COPZ2: variants seen among roughly 807,000 people sequenced by gnomAD.
The protein encoded by COPZ2 is coat protein complex I subunit zeta 2, also known as coatomer subunit zeta-2.
COPZ2 carries 30 observed loss-of-function variants against 33.2 expected under a neutral mutation model. The ratio of observed to expected loss-of-function variants is 0.90; its 90% confidence interval spans 0.68 to 1.23. The LOEUF (loss-of-function observed/expected upper bound fraction) is 1.23, where lower values mean the gene tolerates loss of function less well. COPZ2 is among the 50% of genes most tolerant of loss of function. COPZ2 has a pLI of 0.00. For synonymous variants in COPZ2, 89 were observed against 102.6 expected, an observed-to-expected ratio of 0.87 and a Z score of 0.80; for missense variants, 263 against 262.4, an observed-to-expected ratio of 1.00 and a Z score of -0.02.
At chr17:48,039,840 G>A (rs1005795184), upstream of COPZ2, among the ~76,000 whole-genome samples, 11 of 152,050 alleles carry the variant, frequency 7.2e-5, no homozygotes, top group Admixed American at 2.6e-4. Flanking sequence ...TCCCAGTGTC[G>A]GCCGGGCACG....
chr17:48,046,531 C>T, the COPZ2 span: 1 of 152,226 alleles, frequency 6.6e-6, no homozygotes, highest in Non-Finnish European at 1.5e-5. Context: ...CCGCCTCGGC[C>T]TCCCAAGGTG....
At chr17:48,029,487 A>C in intron 6 of COPZ2, 1 of 448,202 alleles carries the variant, frequency 2.2e-6, no homozygotes, top group East Asian at 4.5e-5. Context: ...CAAAACTCAG[A>C]GCTCTTGAAA....
upstream of COPZ2, among the ~76,000 whole-genome samples, chr17:48,041,147 CAAAA>C (rs10532613): frequency 2.8e-4 from 29 of 103,002 alleles, no homozygotes; most frequent in African/African-American, 4.4e-4. Context: ...ACTCTATCTC[CAAAA>C]AAAAAAAAAA....
At chr17:48,029,316 C>T (rs543371563) in intron 6 of COPZ2, 140 bp from the exon 7 acceptor site, 56 of 768,162 alleles carry the variant, frequency 7.3e-5, no homozygotes, top group Non-Finnish European at 1.2e-4. Context: ...ACTGATAGCC[C>T]TCAAGTCAGA....
At chr17:48,043,247 C>T in the COPZ2 span, among the ~76,000 whole-genome samples, 1 of 152,186 alleles carries the variant, frequency 6.6e-6, no homozygotes, top group African/African-American at 2.4e-5. Flanking sequence ...CAGAATTGGT[C>T]CCTGCCCTTT....
chr17:48,036,971 G>T, intron 1 of COPZ2, 46 bp from the exon 2 acceptor site: 2 of 1,516,482 alleles, frequency 1.3e-6, no homozygotes, highest in Non-Finnish European at 1.8e-6. Flanking sequence ...ACTCGAGGTG[G>T]ACACCCTGTG....
At chr17:48,033,556 G>A (rs2036931951) in intron 3 of COPZ2, among the ~76,000 whole-genome samples, 2 of 152,158 alleles carry the variant, frequency 1.3e-5, no homozygotes, top group Admixed American at 6.5e-5. Flanking sequence ...TCCTGCCCAC[G>A]CTCCCACCCT....
the COPZ2 span, chr17:48,047,345 CCCAG>C: frequency 6.6e-6 from 1 of 152,136 alleles, no homozygotes; most frequent in Non-Finnish European, 1.5e-5. Context: ...TTAAAATCAC[CCCAG>C]CAGGCAGGTT....
At position 48,028,407 on chromosome 17, in the gene COPZ2, A is replaced by G; in HGVS notation, c.585+65T>C. On this transcript the variant is annotated intron_variant, in intron 8 of 8. Transcript: ENST00000621465. The surrounding 1 kb of genome is among the most constrained non-coding windows in gnomAD (Gnocchi z 4.5). ...TCACTGGGTCCCCCTAGGATGCTCT[A>G]GGATGCTCTGCTCCCCGTATCTCTC... 6.6e-7 allele frequency: 1 copy of G among 1,520,626 alleles called. No individual in the cohort carries two copies. Among genetic ancestry groups the G allele is most frequent in the Non-Finnish European group, 8.9e-7 (1 of 1,117,906 alleles). The allele number at this position is 1,520,626 out of a possible 1,614,324, so 94.2% of individuals were successfully genotyped here. A position where few individuals can be genotyped will look rare whatever the true frequency, so the allele number is the denominator to read the frequency against.
intron 5 of COPZ2, 41 bp from the exon 6 acceptor site, chr17:48,032,274 G>A: frequency 6.4e-7 from 1 of 1,561,610 alleles, no homozygotes; most frequent in Middle Eastern, 1.7e-4. Flanking sequence ...CTGTGGCTGG[G>A]AGGAACTGAG....
the COPZ2 span, among the ~76,000 whole-genome samples, chr17:48,044,403 CTTTTTT>C: frequency 9.8e-5 from 10 of 101,778 alleles, no homozygotes; most frequent in East Asian, 9.9e-4. Flanking sequence ...CAATCTTTTG[CTTTTTT>C]TTTTTTTTTT....
the COPZ2 span, among the ~76,000 whole-genome samples, chr17:48,044,089 G>A: frequency 6.6e-6 from 1 of 152,230 alleles, no homozygotes; most frequent in African/African-American, 2.4e-5. Context: ...GCTCACGCCT[G>A]TAATCCCAGC....
At position 48,032,716 on chromosome 17, in the gene COPZ2, C is replaced by A. The variant is rs2036912605; in HGVS notation, c.386G>T (p.Cys129Phe). Residue 129 changes from cysteine (C) to phenylalanine (F), a missense_variant, in exon 5 of 9, where the codon TGC (cysteine) becomes TTC (phenylalanine). Physicochemically the swap from Cys to Phe is radical, Grantham distance 205. Transcript: ENST00000621465. ...CATGTGGTTCAGAGACTCAAACAGG[C>A]AGGTGAGAACAGACATGAGCATCAG... Reference protein sequence around the residue: ...NELMLMSVLTCLFESLNHMLR... With the variant: ...NELMLMSVLTFLFESLNHMLR... 1.3e-6 allele frequency: 2 copies of A among 1,593,466 alleles called. No individual in the cohort carries two copies. Among genetic ancestry groups the A allele is most frequent in the African/African-American group, 1.3e-5 (1 of 74,492 alleles).
At chr17:48,029,393 C>G in intron 6 of COPZ2, 1 of 615,760 alleles carries the variant, frequency 1.6e-6, no homozygotes. Context: ...GGTCCACATG[C>G]TTTGTCATCC....
intron 8 of COPZ2, among the ~76,000 whole-genome samples, chr17:48,026,774 T>G (rs1193613764): frequency 6.6e-6 from 1 of 152,216 alleles, no homozygotes; most frequent in Non-Finnish European, 1.5e-5. Context: ...CCATGAGAGT[T>G]CCCGCCCACA....
At chr17:48,032,551 T>C in intron 5 of COPZ2, 135 bp downstream of exon 5, 2 of 756,086 alleles carry the variant, frequency 2.6e-6, no homozygotes. Flanking sequence ...TTTCGTTCAT[T>C]GTGTCGACTG....
intron 6 of COPZ2, among the ~76,000 whole-genome samples, chr17:48,031,365 T>G (rs2144299792): frequency 6.7e-6 from 1 of 150,362 alleles, no homozygotes; most frequent in East Asian, 2.0e-4. Context: ...AGCAGGAGAA[T>G]GGTGTGAACC....
Position 48,037,671 on chromosome 17 carries a change from A to G in COPZ2, c.107T>C (p.Leu36Pro). The G allele has an allele frequency of 9.2e-7, 1 of 1,082,408 alleles. No individual in the cohort carries two copies. The highest frequency in any genetic ancestry group is 1.1e-6 in the Non-Finnish European group (1 of 897,086). The allele number at this position is 1,082,408 out of a possible 1,614,324, so 67.1% of individuals were successfully genotyped here. A position where few individuals can be genotyped will look rare whatever the true frequency, so the allele number is the denominator to read the frequency against. ...CCGCGCCCGCCCGCTCCGTACCCGC[A>G]GCCCCGAGGGCTCCCCGGCTCGAGC... ...PPARAGEPSGLRLQEPSLYTI... is the reference protein window; with the variant it reads ...PPARAGEPSGPRLQEPSLYTI... Residue 36 changes from leucine (L) to proline (P), a missense_variant, in exon 1 of 9, where the codon CTG becomes CCG. Coordinates refer to ENST00000621465, the MANE Select transcript of COPZ2 (RefSeq NM_016429.4). The surrounding 1 kb of genome is among the most constrained non-coding windows in gnomAD (Gnocchi z 5.6).
upstream of COPZ2, among the ~76,000 whole-genome samples, chr17:48,039,978 C>A (rs1328945535): frequency 6.6e-6 from 1 of 151,926 alleles, no homozygotes; most frequent in Non-Finnish European, 1.5e-5. Flanking sequence ...AAAAATTAGC[C>A]GGGGGTGGTG....
Sources: gnomAD v4.1 joint callset for allele counts (sites outside exome capture counted in the v4.1 genomes callset) on GRCh38, gnomAD v4.1.1 for gene constraint, Gnocchi (gnomAD v3.1) non-coding constraint, MANE v1.5 for transcripts, NCBI Gene and HGNC (gene_info 2026-07-23, HGNC 2026-07-21) for gene names.